The following SCN4B variants were observed in gnomAD, a reference collection of about 807,000 sequenced individuals.
SCN4B encodes the protein sodium voltage-gated channel beta subunit 4, also known as sodium channel regulatory subunit beta-4.
Under a neutral mutation model 19.6 loss-of-function variants are expected in SCN4B, and 20 were observed. The ratio of observed to expected loss-of-function variants is 1.02; its 90% CI spans 0.72 to 1.48. The LOEUF is 1.48. SCN4B is among the 40% of genes most tolerant of loss of function. The probability of loss-of-function intolerance (pLI) is 0.00; values close to 1 mark genes in which losing one functional copy is unlikely to be tolerated. For missense variants in SCN4B, 271 were observed against 287.5 expected (o/e 0.94, Z 0.42); for synonymous variants, 127 against 122.8 (o/e 1.03, Z -0.22).
At position 118,133,922 on chromosome 11, in the gene SCN4B, A is replaced by ATGTCCAGCATC. The variant is rs1947952804; in HGVS notation, c.*3094_*3104dup. 2.2e-6 allele frequency: 1 copy of ATGTCCAGCATC among 454,352 alleles called. No individual in the cohort carries two copies. The highest frequency in any genetic ancestry group is 2.4e-5 in the Admixed American group (1 of 42,550). The allele number at this position is 454,352 out of a possible 1,614,324, so 28.1% of individuals were successfully genotyped here. ...CAGGCCAAGAAAGACGGCTCCTCAAATGTCCAGCATCTGCCCATCATGCAT... is the reference window on the plus strand; with the variant it reads ...CAGGCCAAGAAAGACGGCTCCTCAAATGTCCAGCATCTGTCCAGCATCTGCCCATCATGCAT... On this transcript the variant is annotated 3_prime_UTR_variant, in exon 5 of 5. Transcript: ENST00000324727.
chr11:118,152,600 G>A lies in SCN4B; in HGVS notation c.61+13C>T, dbSNP rs1948245147. 6.2e-7 allele frequency: 1 copy of A among 1,610,924 alleles called. No homozygotes were observed. On this transcript the variant is annotated intron_variant, in intron 1 of 4. Transcript: ENST00000324727. ...GGGAGGCAAGAGAAGAGACCAAGCT[G>A]GGGCTGCCTTACCCAAAAGCCCAGT...
rs1947946614 is a variant in SCN4B, at chr11:118,133,531, G to A, written c.*3496C>T. 1 of 454,276 alleles carries A rather than the reference G, an allele frequency of 2.2e-6. No homozygotes were observed. Among genetic ancestry groups the A allele is most frequent in the East Asian group, 6.9e-5 (1 of 14,402 alleles). 28.1% of individuals were successfully genotyped at this position (454,276 alleles called of 1,614,324 possible). ...GCATCTGCGCCTCCCAGAGGCACTC[G>A]CACACCTGAGGCCTCCCAAGGCCTG... On this transcript the variant is annotated 3_prime_UTR_variant, in exon 5 of 5. Transcript: ENST00000324727.
chr11:118,146,402 A>G (rs553509344), intron 1 of SCN4B, among the ~76,000 whole-genome samples: 47 of 152,096 alleles, frequency 3.1e-4, no homozygotes, highest in African/African-American at 1.1e-3. Context: ...GGGTGTCTGG[A>G]AGTGGATGCC....
At chr11:118,150,415 G>A (rs969636595) in intron 1 of SCN4B, among the ~76,000 whole-genome samples, 2 of 152,136 alleles carry the variant, frequency 1.3e-5, no homozygotes, top group Admixed American at 1.3e-4. Flanking sequence ...AGTCTCCGAA[G>A]CTGTGAAAAG....
intron 1 of SCN4B, among the ~76,000 whole-genome samples, chr11:118,152,322 G>T (rs907227202): frequency 6.6e-6 from 1 of 152,144 alleles, no homozygotes; most frequent in African/African-American, 2.4e-5. Flanking sequence ...CTGGAGACCC[G>T]CGCTGCAGCC....
intron 4 of SCN4B, 24 bp from the exon 5 acceptor site, chr11:118,137,144 A>G: frequency 6.5e-7 from 1 of 1,542,906 alleles, no homozygotes; most frequent in Non-Finnish European, 9.0e-7. Flanking sequence ...GAGAAGGGAC[A>G]GTGGTGAGGA....
At chr11:118,140,764 G>C (rs1455454587) in intron 4 of SCN4B, among the ~76,000 whole-genome samples, 1 of 152,192 alleles carries the variant, frequency 6.6e-6, no homozygotes, top group Non-Finnish European at 1.5e-5. Flanking sequence ...TGAATTTTCA[G>C]AAATTCCTAA....
intron 4 of SCN4B, among the ~76,000 whole-genome samples, chr11:118,138,331 C>A (rs138560986): frequency 3.3e-5 from 5 of 152,332 alleles, no homozygotes; most frequent in African/African-American, 1.2e-4. Flanking sequence ...CTATCAAGAT[C>A]TTCCTAGATC....
In SCN4B at chr11:118,145,245, C is replaced by G; in HGVS notation, c.62-16G>C. 6.2e-7 allele frequency: 1 copy of G among 1,613,800 alleles called. No individual in the cohort carries two copies. The highest frequency in any genetic ancestry group is 8.5e-7 in the Non-Finnish European group (1 of 1,179,952). On this transcript the variant is annotated splice_polypyrimidine_tract_variant and intron_variant, in intron 1 of 4. Coordinates refer to ENST00000324727, the MANE Select transcript of SCN4B (RefSeq NM_174934.4). ...AGGAAGAGGCCTGTGTAAGGAGCAC[C>G]GCCTCCCTTAATAAAACCCCACCAG... is the stretch of plus-strand genomic sequence containing the variant.
At chr11:118,147,982 C>T (rs978536627) in intron 1 of SCN4B, among the ~76,000 whole-genome samples, 10 of 152,202 alleles carry the variant, frequency 6.6e-5, no homozygotes, top group African/African-American at 2.2e-4. Flanking sequence ...GAAGCAAAAA[C>T]GAGCAAAAGA....
intron 1 of SCN4B, among the ~76,000 whole-genome samples, chr11:118,146,995 C>G (rs1948185418): frequency 6.6e-6 from 1 of 152,192 alleles, no homozygotes; most frequent in Non-Finnish European, 1.5e-5. Flanking sequence ...GGTTTTCAAA[C>G]TTGAGAGCGC....
intron 4 of SCN4B, among the ~76,000 whole-genome samples, chr11:118,137,969 C>G (rs1948041644): frequency 6.6e-6 from 1 of 152,124 alleles, no homozygotes; most frequent in Non-Finnish European, 1.5e-5. Context: ...CAGGTCTAGG[C>G]AGAGTTTGGT....
At position 118,152,725 on chromosome 11, in the gene SCN4B, ACAGCCGCGCTCTC is replaced by A. The variant is rs755649288; in HGVS notation, c.-65_-53del. 6.9e-7 allele frequency: 1 copy of A among 1,445,350 alleles called. No individual in the cohort carries two copies. The highest frequency in any genetic ancestry group is 2.5e-5 in the East Asian group (1 of 39,914). 89.5% of individuals were successfully genotyped at this position (1,445,350 alleles called of 1,614,324 possible). A position where few individuals can be genotyped will look rare whatever the true frequency, so the allele number is the denominator to read the frequency against. On this transcript the variant is annotated 5_prime_UTR_variant, in exon 1 of 5. Transcript: ENST00000324727. ...GGGTCGCGGGGATGGGATACTGGGCACAGCCGCGCTCTCCGCCCGAGGTCGGCGTTCGGCCACA... is the reference window on the plus strand; with the variant it reads ...GGGTCGCGGGGATGGGATACTGGGCACGCCCGAGGTCGGCGTTCGGCCACA...
intron 1 of SCN4B, chr11:118,145,500 G>A: frequency 2.2e-6 from 3 of 1,361,420 alleles, no homozygotes; most frequent in Non-Finnish European, 2.9e-6. Context: ...CCCAACCCAA[G>A]GAAACAAAGG....
rs150025978 is a variant in SCN4B at position 118,147,673 on chromosome 11, G to A, written c.62-2444C>T. On this transcript the variant is annotated intron_variant, in intron 1 of 4. Transcript: ENST00000324727. ...CCAGCACTAGAACCTTTTGGTGGGA[G>A]ATACCAACTCTGCTTCCCACCCTCC... 3.8e-4 allele frequency among the ~76,000 whole-genome samples: 58 copies of A among 152,346 alleles called. 2 individuals carry two copies. In the East Asian group the frequency reaches 6.9e-3, roughly 18 times the overall value.
Position 118,148,427 on chromosome 11 carries a change from G to A in SCN4B, c.62-3198C>T, listed in dbSNP as rs1948204201. Among the ~76,000 whole-genome samples the A allele has an allele frequency of 6.6e-6, 1 of 152,214 alleles. No individual in the cohort carries two copies. Among genetic ancestry groups the A allele is most frequent in the Non-Finnish European group, 1.5e-5 (1 of 68,022 alleles). ...AAAGGCCGCCGGAGGGCTGCTTCAG[G>A]ATGACCAAGTCCAGAGAGGACTGGT... On this transcript the variant is annotated intron_variant, in intron 1 of 4. Transcript: ENST00000324727. The surrounding 1 kb of genome is among the most constrained non-coding windows in gnomAD (Gnocchi z 4.0).
rs776715335 is a variant in SCN4B at position 118,145,378 on chromosome 11, A to G, written c.62-149T>C. ...CTCGGGAGGATGGCTGTCTACTCCA[A>G]TCAGCACCGCCTGGGCCACCCTCCA... On this transcript the variant is annotated intron_variant, in intron 1 of 4. Transcript: ENST00000324727. 23 of 1,533,602 alleles carry G rather than the reference A, an allele frequency of 1.5e-5. No homozygotes were observed. The African/African-American group carries it at 2.3e-4, about 16-fold the overall frequency. 95.0% of individuals were successfully genotyped at this position (1,533,602 alleles called of 1,614,324 possible). A position where few individuals can be genotyped will look rare whatever the true frequency, so the allele number is the denominator to read the frequency against.
rs565447765 is a variant in SCN4B at position 118,134,890 on chromosome 11, G to C, written c.*2137C>G. Reference sequence around the variant, plus strand: ...TAAGTATTATTACACCCATTTGGTAGATGGAAAGAGCTGAGCTGAGAGAAG... The same window carrying C: ...TAAGTATTATTACACCCATTTGGTACATGGAAAGAGCTGAGCTGAGAGAAG... On this transcript the variant is annotated 3_prime_UTR_variant, in exon 5 of 5. Transcript: ENST00000324727. The C allele has an allele frequency of 6.2e-4, 281 of 454,104 alleles. 2 individuals carry two copies. The highest frequency in any genetic ancestry group is 2.6e-4 in the Non-Finnish European group (60 of 226,784). The allele number at this position is 454,104 out of a possible 1,614,324, so 28.1% of individuals were successfully genotyped here.
chr11:118,147,352 C>T (rs1948190631), intron 1 of SCN4B, among the ~76,000 whole-genome samples: 1 of 152,158 alleles, frequency 6.6e-6, no homozygotes, highest in East Asian at 1.9e-4. Flanking sequence ...ATTTAACCCT[C>T]ATCATAATCC....
Sources: allele counts gnomAD v4.1 joint callset (sites outside exome capture counted in the v4.1 genomes callset), GRCh38; gene constraint gnomAD v4.1.1; non-coding constraint Gnocchi (gnomAD v3.1); transcripts MANE v1.5; gene names NCBI Gene and HGNC (gene_info 2026-07-23, HGNC 2026-07-21).